The following TMEM156 variants were observed in gnomAD, a reference collection of about 807,000 sequenced individuals.
TMEM156 encodes transmembrane protein 156.
A neutral mutation model predicts 30.5 loss-of-function variants in TMEM156; 28 were observed. The observed-to-expected ratio is 0.92, with a 90% CI of 0.68 to 1.26. The LOEUF (loss-of-function observed/expected upper bound fraction) is 1.26. Among genes scored for constraint, TMEM156 ranks in the 50% most tolerant of loss-of-function variants. TMEM156 has a pLI of 0.00. For synonymous variants in TMEM156, 137 were observed against 119.9 expected, an observed-to-expected ratio of 1.14 and a Z score of -0.93; for missense variants, 351 against 340.6, an observed-to-expected ratio of 1.03 and a Z score of -0.24.
intron 2 of TMEM156, among the ~76,000 whole-genome samples, chr4:38,995,194 T>A (rs959195665): frequency 6.6e-6 from 1 of 152,208 alleles, no homozygotes; most frequent in African/African-American, 2.4e-5. Context: ...ATCAGTCATA[T>A]TGGATTAGGG....
At chr4:38,999,013 T>G (rs1233758520) in intron 1 of TMEM156, 104 bp from the exon 2 acceptor site, 27 of 916,228 alleles carry the variant, frequency 2.9e-5, no homozygotes, top group Non-Finnish European at 2.9e-5. Flanking sequence ...GTGGATTCAG[T>G]ACATTTCAGC....
intron 1 of TMEM156, among the ~76,000 whole-genome samples, chr4:39,011,297 T>C (rs1217184000): frequency 2.0e-5 from 3 of 152,192 alleles, no homozygotes; most frequent in Non-Finnish European, 2.9e-5. Context: ...ATGCTGTTAG[T>C]GGAAATACAA....
intron 1 of TMEM156, among the ~76,000 whole-genome samples, chr4:39,019,060 T>C (rs1296668861): frequency 6.6e-6 from 1 of 151,644 alleles, no homozygotes; most frequent in Non-Finnish European, 1.5e-5. Flanking sequence ...CCTCTTCAGT[T>C]TTCATGCTCT....
intron 2 of TMEM156, among the ~76,000 whole-genome samples, chr4:38,996,376 C>T (rs1214948927): frequency 4.1e-5 from 6 of 145,982 alleles, no homozygotes; most frequent in Non-Finnish European, 6.0e-5. Flanking sequence ...CTGGCCAACA[C>T]ATGGTGAAAC....
At chr4:38,976,012 C>A (rs7656818) in intron 5 of TMEM156, among the ~76,000 whole-genome samples, 3,909 of 151,916 alleles carry the variant, frequency 0.026, 161 homozygotes, top group African/African-American at 0.09. Flanking sequence ...GCAGGCTGGG[C>A]GCAGTGGCTC....
intron 1 of TMEM156, among the ~76,000 whole-genome samples, chr4:39,010,033 T>A (rs1417464976): frequency 6.6e-6 from 1 of 152,130 alleles, no homozygotes; most frequent in Admixed American, 6.6e-5. Flanking sequence ...ATCTAATGAC[T>A]TGAGCAAAGT....
Position 38,967,632 on chromosome 4 carries a change from C to T in TMEM156, c.*48G>A, listed in dbSNP as rs367844279. On this transcript the variant is annotated 3_prime_UTR_variant, in exon 7 of 7. Transcript: ENST00000381938. Reference sequence around the variant, plus strand: ...TTCAAAGGGCTCGGTCCAACTTGCCCGGGGATATTCTGAAGATTTAAATAA... The same window carrying T: ...TTCAAAGGGCTCGGTCCAACTTGCCTGGGGATATTCTGAAGATTTAAATAA... The T allele has an allele frequency of 3.3e-5, 5 of 152,094 alleles. No homozygotes were observed. The highest frequency in any genetic ancestry group is 7.4e-5 in the Non-Finnish European group (5 of 68,020). 9.4% of individuals were successfully genotyped at this position (152,094 alleles called of 1,614,324 possible).
intron 1 of TMEM156, among the ~76,000 whole-genome samples, chr4:39,017,805 T>C (rs1320183561): frequency 1.3e-5 from 2 of 152,240 alleles, no homozygotes; most frequent in Non-Finnish European, 2.9e-5. Flanking sequence ...CTTACATTAA[T>C]ACCATGGCAT....
chr4:38,968,044 T>C (rs1722426452), intron 6 of TMEM156, among the ~76,000 whole-genome samples: 1 of 152,322 alleles, frequency 6.6e-6, no homozygotes, highest in Admixed American at 6.5e-5. Context: ...TTATTCTCCC[T>C]TTTCAGGGTG....
At position 39,029,758 on chromosome 4, in the gene TMEM156, C is replaced by T. The variant is rs774463043; in HGVS notation, c.88+2468G>A. The stretch of plus-strand genomic sequence containing the variant: ...AAAAAAAAGAACTAATTTTTAAAAA[C>T]CAAGACAATTATGTCCAAGTTTTCT... On this transcript the variant is annotated intron_variant, in intron 1 of 6. Transcript: ENST00000381938. 2.0e-4 allele frequency among the ~76,000 whole-genome samples: 30 copies of T among 147,728 alleles called. 2 individuals are homozygous for T. Among genetic ancestry groups the T allele is most frequent in the Non-Finnish European group, 3.3e-4 (22 of 66,142 alleles).
chr4:38,998,530 C>T (rs1234578775), intron 2 of TMEM156, 110 bp downstream of exon 2: 10 of 1,010,970 alleles, frequency 9.9e-6, no homozygotes, highest in Admixed American at 7.7e-5. Context: ...GGCAACAGAG[C>T]GAGACTCCAT....
At chr4:38,996,193 T>A (rs1389604464) in intron 2 of TMEM156, among the ~76,000 whole-genome samples, 1 of 150,618 alleles carries the variant, frequency 6.6e-6, no homozygotes, top group Non-Finnish European at 1.5e-5. Flanking sequence ...ATATTACTAA[T>A]CATTAGGAAA....
chr4:38,996,388 C>T (rs1341182444), intron 2 of TMEM156, among the ~76,000 whole-genome samples: 1 of 150,040 alleles, frequency 6.7e-6, no homozygotes, highest in Non-Finnish European at 1.5e-5. Flanking sequence ...TGGTGAAACC[C>T]CGTCTCTACT....
At chr4:38,990,830 G>GTTTCTTTTTTTTTTTTTTTTTTTT (rs1553878600) in intron 3 of TMEM156, among the ~76,000 whole-genome samples, 4 of 81,216 alleles carry the variant, frequency 4.9e-5, no homozygotes, top group Admixed American at 1.5e-4. Context: ...TTGTTTTCTG[G>GTTTCTTTTTTTTTTTTTTTTTTTT]TTTTTTTTTT....
intron 5 of TMEM156, among the ~76,000 whole-genome samples, chr4:38,982,773 A>C (rs1273437662): frequency 6.6e-6 from 1 of 152,202 alleles, no homozygotes; most frequent in Non-Finnish European, 1.5e-5. Context: ...TCAAGTTTTA[A>C]GGATTTCACT....
At chr4:38,976,034 C>A (rs953702931) in intron 5 of TMEM156, among the ~76,000 whole-genome samples, 4 of 151,964 alleles carry the variant, frequency 2.6e-5, no homozygotes, top group African/African-American at 9.7e-5. Context: ...CGACTGTAAT[C>A]CCAGCACTTC....
intron 1 of TMEM156, among the ~76,000 whole-genome samples, chr4:39,020,047 C>G (rs1160239345): frequency 6.6e-6 from 1 of 152,182 alleles, no homozygotes; most frequent in African/African-American, 2.4e-5. Flanking sequence ...ATAGTGAGAT[C>G]ATGTGGCATT....
intron 2 of TMEM156, among the ~76,000 whole-genome samples, chr4:38,998,102 T>C (rs977849625): frequency 3.3e-5 from 5 of 152,226 alleles, no homozygotes; most frequent in Admixed American, 6.5e-5. Context: ...ATCATGTGTA[T>C]ATGAATTACA....
In TMEM156 at chr4:38,994,714, G is replaced by A. The variant is rs533803188; in HGVS notation, c.359-716C>T. Among the ~76,000 whole-genome samples the A allele has an allele frequency of 1.1e-4, 17 of 152,220 alleles. No homozygotes were observed. The South Asian group carries it at 2.1e-3, about 19-fold the overall frequency. On this transcript the variant is annotated intron_variant, in intron 2 of 6. Transcript: ENST00000381938. Reference sequence around the variant, plus strand: ...TGTAATCCTAGCCCTTTAGGAGGCCGAGGCAGGCAGATCACCTGAGGTCAG... The same window carrying A: ...TGTAATCCTAGCCCTTTAGGAGGCCAAGGCAGGCAGATCACCTGAGGTCAG...
Sources: allele counts gnomAD v4.1 joint callset (sites outside exome capture counted in the v4.1 genomes callset), GRCh38; gene constraint gnomAD v4.1.1; transcripts MANE v1.5; gene names NCBI Gene and HGNC (gene_info 2026-07-23, HGNC 2026-07-21).